Variants in BROX observed in about 807,000 individuals in gnomAD.
The protein encoded by BROX is BRO1 domain and CAAX motif containing, also known as BRO1 domain-containing protein BROX.
In BROX, 53 loss-of-function variants were observed where a neutral mutation model predicts 61.0. The ratio of observed to expected loss-of-function variants is 0.87; its 90% CI spans 0.70 to 1.09. The LOEUF is 1.09. Among genes scored for constraint, BROX ranks in the 50% least tolerant of loss-of-function variants. The pLI is 0.00. For missense variants in BROX, 489 were observed against 472.0 expected, an observed-to-expected ratio of 1.04 and a Z score of -0.33; for synonymous variants, 152 against 160.2, an observed-to-expected ratio of 0.95 and a Z score of 0.38.
intron 4 of BROX, among the ~76,000 whole-genome samples, chr1:222,719,694 TAA>T (rs973809333): frequency 5.3e-5 from 8 of 152,336 alleles, no homozygotes; most frequent in Admixed American, 3.9e-4. Context: ...GAGCAGAATT[TAA>T]GTTTTTCCCT....
In BROX at chr1:222,731,404, C is replaced by T; in HGVS notation, c.1037C>T (p.Ala346Val). 1 of 1,578,568 alleles carries T rather than the reference C, an allele frequency of 6.3e-7. No individual in the cohort carries two copies. ...GAAGCCCCACAGCTGGAACTCAAAG[C>T]AAATTATGGTCTCGTAGAGCCTATA... Reference protein sequence around the residue: ...PTEAPQLELKANYGLVEPIPF... With the variant: ...PTEAPQLELKVNYGLVEPIPF... The change falls in exon 12 of 13, where the codon GCA becomes GTA. Residue 346 changes from alanine (A) to valine (V), a missense_variant. By Grantham distance (64) the Ala-to-Val change is moderately conservative (BLOSUM62 0). Transcript: ENST00000340934.
Position 222,712,837 on chromosome 1 carries a change from G to A in BROX, c.-122G>A. Reference sequence around the variant, plus strand: ...GCCGTCCTGGTTTTCCGTCACCCTGGTTCTGTAGTCTCGGTTCTCCGACTC... The same window carrying A: ...GCCGTCCTGGTTTTCCGTCACCCTGATTCTGTAGTCTCGGTTCTCCGACTC... On this transcript the variant is annotated 5_prime_UTR_variant, in exon 1 of 13. Coordinates refer to ENST00000340934, the MANE Select transcript of BROX (RefSeq NM_144695.4). The A allele has an allele frequency of 1.6e-6, 2 of 1,284,612 alleles. No homozygotes were observed. The highest frequency in any genetic ancestry group is 1.0e-6 in the Non-Finnish European group (1 of 985,594). The allele number at this position is 1,284,612 out of a possible 1,614,324, so 79.6% of individuals were successfully genotyped here. A position where few individuals can be genotyped will look rare whatever the true frequency, so the allele number is the denominator to read the frequency against.
Position 222,713,267 on chromosome 1 carries a change from C to A in BROX, c.-17+325C>A, listed in dbSNP as rs557258504. ...TCCCGGGTTGACAGTATCGGCTTTC[C>A]ACAAAAATGCCTGTTTGGAAAGAGG... On this transcript the variant is annotated intron_variant, in intron 1 of 12. Coordinates refer to ENST00000340934, the MANE Select transcript of BROX (RefSeq NM_144695.4). 6.4e-5 allele frequency: 63 copies of A among 986,070 alleles called. 1 individual carries two copies. The Admixed American group carries it at 3.1e-3, about 49-fold the overall frequency. 61.1% of individuals were successfully genotyped at this position (986,070 alleles called of 1,614,324 possible).
intron 12 of BROX, 135 bp downstream of exon 12, chr1:222,731,651 T>A: frequency 2.3e-6 from 2 of 876,872 alleles, no homozygotes; most frequent in Non-Finnish European, 3.3e-6. Context: ...ATATAGTGCT[T>A]AATGTAATCT....
rs2125007995 is a variant in BROX, at chr1:222,719,350, A to G, written c.296A>G (p.Gln99Arg). ...NFKWTDTLQG[Q>R]VPSAQQDAVF... ...AAGTGGACTGATACATTGCAAGGAC[A>G]GGTTCCAAGGTAAGCAACACTAAAG... The change falls in exon 4 of 13, where the codon CAG becomes CGG. Residue 99 changes from glutamine to arginine, a missense_variant. Transcript: ENST00000340934. The G allele has an allele frequency of 1.2e-6, 2 of 1,603,566 alleles. No individual in the cohort carries two copies. Among genetic ancestry groups the G allele is most frequent in the Non-Finnish European group, 8.5e-7 (1 of 1,170,842 alleles).
At chr1:222,714,144 G>A (rs912294090) in intron 1 of BROX, among the ~76,000 whole-genome samples, 2 of 151,326 alleles carry the variant, frequency 1.3e-5, no homozygotes, top group Admixed American at 6.6e-5. Flanking sequence ...TTAGGTCTTC[G>A]CCTGGGCTTT....
chr1:222,712,978 AT>A (rs1379531971), intron 1 of BROX, 36 bp downstream of exon 1: 1 of 1,174,526 alleles, frequency 8.5e-7, no homozygotes, highest in East Asian at 6.2e-5. Flanking sequence ...TCTCAGTAAT[AT>A]CCCCCGCTAC....
rs1657309969 is a variant in BROX, at chr1:222,724,077, A to G, written c.402-15A>G. 6.3e-7 allele frequency: 1 copy of G among 1,581,162 alleles called. No homozygotes were observed. Among genetic ancestry groups the G allele is most frequent in the African/African-American group, 1.4e-5 (1 of 73,602 alleles). ...TGGAATTCATCCTCTAACTAATGTAACCCCTATCTTTAAGTATAACAGAAG... is the reference window on the plus strand; with the variant it reads ...TGGAATTCATCCTCTAACTAATGTAGCCCCTATCTTTAAGTATAACAGAAG... On this transcript the variant is annotated splice_polypyrimidine_tract_variant and intron_variant, in intron 5 of 12. Transcript: ENST00000340934.
chr1:222,727,526 T>C (rs1025038445), intron 8 of BROX, among the ~76,000 whole-genome samples: 3 of 152,236 alleles, frequency 2.0e-5, no homozygotes, highest in African/African-American at 7.2e-5. Context: ...ACCTTATAGT[T>C]ACTATGCTTT....
At chr1:222,732,404 A>G (rs1247753751) in intron 12 of BROX, among the ~76,000 whole-genome samples, 1 of 152,194 alleles carries the variant, frequency 6.6e-6, no homozygotes, top group Non-Finnish European at 1.5e-5. Flanking sequence ...GAGTACCATT[A>G]GCTTGGTTTT....
At chr1:222,722,930 C>T (rs1353757312) in intron 5 of BROX, among the ~76,000 whole-genome samples, 1 of 152,112 alleles carries the variant, frequency 6.6e-6, no homozygotes, top group Non-Finnish European at 1.5e-5. Flanking sequence ...AGGACATGAA[C>T]AGGCAATTCA....
Position 222,728,739 on chromosome 1 carries a change from TTA to T in BROX, c.671-3_671-2del. The T allele has an allele frequency of 6.4e-7, 1 of 1,571,204 alleles. No homozygotes were observed. The highest frequency in any genetic ancestry group is 8.7e-7 in the Non-Finnish European group (1 of 1,148,088). ...ATATTTTGCTTTTTAAAATGTAACT[TTA>T]GATCATACTTTATCCAGTTTGGAGC... On this transcript the variant is annotated splice_acceptor_variant and splice_polypyrimidine_tract_variant and intron_variant, in intron 8 of 12. Transcript: ENST00000340934. LOFTEE classifies it high-confidence loss of function.
rs1657709653 is a variant in BROX, at chr1:222,728,774, T to A, written c.702T>A (p.Tyr234Ter). 6.2e-7 allele frequency: 1 copy of A among 1,603,784 alleles called. No individual in the cohort carries two copies. Among genetic ancestry groups the A allele is most frequent in the Non-Finnish European group, 8.5e-7 (1 of 1,172,416 alleles). Residue 234 changes from tyrosine (Y) to a stop codon, truncating the protein, a stop_gained, in exon 9 of 13, where the codon TAT becomes TAA. Coordinates refer to ENST00000340934, the MANE Select transcript of BROX (RefSeq NM_144695.4). LOFTEE classifies it high-confidence loss of function. ...CTTTATCCAGTTTGGAGCCTGCATA[T>A]TCTGCCAAATGGAGAAAATATCTTC... ...DHTLSSLEPA[Y>*]SAKWRKYLHL...
chr1:222,722,626 G>T, intron 5 of BROX, 112 bp downstream of exon 5: 1 of 734,484 alleles, frequency 1.4e-6, no homozygotes. Context: ...TTGAAGGATT[G>T]CCTTGTAATG....
intron 11 of BROX, 92 bp from the exon 12 acceptor site, chr1:222,731,265 A>C: frequency 1.6e-5 from 18 of 1,125,708 alleles, no homozygotes; most frequent in Non-Finnish European, 2.1e-5. Context: ...ATCCATCATT[A>C]AATTGTCATT....
At chr1:222,730,757 C>CA (rs752434578) in intron 11 of BROX, among the ~76,000 whole-genome samples, 23 of 152,132 alleles carry the variant, frequency 1.5e-4, no homozygotes, top group Non-Finnish European at 2.5e-4. Flanking sequence ...TTAGGACACT[C>CA]ACAGTGTCCT....
chr1:222,722,898 C>G (rs927067002), intron 5 of BROX, among the ~76,000 whole-genome samples: 1 of 151,990 alleles, frequency 6.6e-6, no homozygotes, highest in Admixed American at 6.6e-5. Context: ...AAGGAAAGAC[C>G]GTCAAATCAA....
chr1:222,713,925 A>G (rs766586017), intron 1 of BROX: 1 of 152,202 alleles, frequency 6.6e-6, no homozygotes, highest in African/African-American at 2.4e-5. Flanking sequence ...TTCTCTATTC[A>G]TTAAGTATGT....
chr1:222,730,004 C>T lies in BROX; in HGVS notation c.839-23C>T, dbSNP rs566067068. 16 of 1,584,484 alleles carry T rather than the reference C, an allele frequency of 1.0e-5. No individual in the cohort carries two copies. In the Admixed American group the frequency reaches 1.5e-4, roughly 15 times the overall value. On this transcript the variant is annotated intron_variant, in intron 10 of 12. Coordinates refer to ENST00000340934, the MANE Select transcript of BROX (RefSeq NM_144695.4). ...GGCAGTGTTAATTATAATCAAAAGA[C>T]TTTAAATCTCTTTCACATGCAGTGT... is the stretch of plus-strand genomic sequence containing the variant.
Sources: allele counts gnomAD v4.1 joint callset (sites outside exome capture counted in the v4.1 genomes callset), GRCh38; gene constraint gnomAD v4.1.1; transcripts MANE v1.5; gene names NCBI Gene and HGNC (gene_info 2026-07-23, HGNC 2026-07-21).